The following HRH1 variants were observed in gnomAD, a reference collection of about 807,000 sequenced individuals.
HRH1 encodes the protein histamine H1 receptor.
A neutral mutation model predicts 10.3 loss-of-function variants in HRH1; 6 were observed. The observed-to-expected ratio is 0.58, with a 90% confidence interval of 0.32 to 1.15. The LOEUF (loss-of-function observed/expected upper bound fraction) is 1.15. Among genes scored for constraint, HRH1 ranks in the 50% most tolerant of loss-of-function variants. The probability of loss-of-function intolerance (pLI) is 0.05; values close to 1 mark genes in which losing one functional copy is unlikely to be tolerated. For synonymous variants in HRH1, 242 were observed against 236.7 expected (o/e 1.02, Z -0.21); for missense variants, 514 against 615.3 (o/e 0.84, Z 1.74).
chr3:11,220,816 T>G (rs1171107242), intron 1 of HRH1, among the ~76,000 whole-genome samples: 1 of 152,198 alleles, frequency 6.6e-6, no homozygotes, highest in Non-Finnish European at 1.5e-5. Flanking sequence ...AAAATAATAA[T>G]GTACACATTA....
chr3:11,191,346 C>G (rs1020478322), intron 1 of HRH1, among the ~76,000 whole-genome samples: 4 of 152,124 alleles, frequency 2.6e-5, no homozygotes, highest in African/African-American at 9.7e-5. Flanking sequence ...AGTTTCTCAA[C>G]ACACCTGAAA....
intron 1 of HRH1, among the ~76,000 whole-genome samples, chr3:11,172,802 C>T (rs752580863): frequency 1.3e-5 from 2 of 151,576 alleles, no homozygotes; most frequent in East Asian, 1.9e-4. Context: ...CCCAGGTTCA[C>T]GCCATTCTCC....
chr3:11,202,816 T>G (rs1312861676), intron 1 of HRH1, among the ~76,000 whole-genome samples: 2 of 152,242 alleles, frequency 1.3e-5, no homozygotes, highest in African/African-American at 2.4e-5. Context: ...TGTTGCACTT[T>G]CTGTGGGTTT....
intron 1 of HRH1, among the ~76,000 whole-genome samples, chr3:11,250,913 C>T (rs1410831682): frequency 3.3e-5 from 5 of 152,150 alleles, no homozygotes; most frequent in Non-Finnish European, 5.9e-5. Flanking sequence ...TAAATTCCTA[C>T]GCATCCATAA....
chr3:11,146,072 C>A (rs990449925), intron 1 of HRH1, among the ~76,000 whole-genome samples: 1 of 152,118 alleles, frequency 6.6e-6, no homozygotes, highest in Non-Finnish European at 1.5e-5. Context: ...GGAGACGTGA[C>A]TCAGAGTGGA....
intron 1 of HRH1, among the ~76,000 whole-genome samples, chr3:11,166,850 GACCC>G (rs1272459936): frequency 4.7e-5 from 7 of 149,918 alleles, no homozygotes; most frequent in Non-Finnish European, 8.9e-5. Flanking sequence ...GGCTCCTCCA[GACCC>G]ACGACATTTG....
At chr3:11,247,581 G>A (rs572345766) in intron 1 of HRH1, among the ~76,000 whole-genome samples, 3 of 33,736 alleles carry the variant, frequency 8.9e-5, no homozygotes, top group South Asian at 8.6e-4. Flanking sequence ...TTGTCTGGAC[G>A]TGGCAAAGGC....
intron 1 of HRH1, among the ~76,000 whole-genome samples, chr3:11,143,403 G>A: frequency 6.6e-6 from 1 of 152,316 alleles, no homozygotes; most frequent in South Asian, 2.1e-4. Context: ...TTACCACGCT[G>A]TATTACTGGG....
rs768230237 is a variant in HRH1 at position 11,260,060 on chromosome 3, T to C, written c.1023T>C (p.His341=). The change falls in exon 2 of 2, where the codon CAT becomes CAC. Residue 341 remains histidine (H), a synonymous_variant. Coordinates refer to ENST00000431010, the MANE Select transcript of HRH1 (RefSeq NM_001098212.2). ...CAGATGAGCAGGGCCTGAACACACATGGGGCCAGCGAGATATCAGAGGATC... is the reference window on the plus strand; with the variant it reads ...CAGATGAGCAGGGCCTGAACACACACGGGGCCAGCGAGATATCAGAGGATC... ...LKTDEQGLNT[H]GASEISEDQM... 6.2e-7 allele frequency: 1 copy of C among 1,613,918 alleles called. No homozygotes were observed. The highest frequency in any genetic ancestry group is 1.1e-5 in the South Asian group (1 of 91,036).
chr3:11,248,056 G>A (rs1939537107), intron 1 of HRH1, among the ~76,000 whole-genome samples: 1 of 152,122 alleles, frequency 6.6e-6, no homozygotes, highest in African/African-American at 2.4e-5. Flanking sequence ...AGGAGGTAAG[G>A]CCTTGTAAGG....
intron 1 of HRH1, among the ~76,000 whole-genome samples, chr3:11,249,848 C>T (rs188111695): frequency 6.6e-6 from 1 of 152,076 alleles, no homozygotes; most frequent in Admixed American, 6.6e-5. Flanking sequence ...CTGAGGAGAG[C>T]CAGGAAGGAC....
intron 1 of HRH1, among the ~76,000 whole-genome samples, chr3:11,174,386 G>C (rs769234693): frequency 5.9e-5 from 9 of 152,168 alleles, no homozygotes; most frequent in African/African-American, 1.4e-4. Flanking sequence ...TCTCAGCGCT[G>C]ACTCCCAGAG....
chr3:11,166,162 C>G (rs1018238707), intron 1 of HRH1, among the ~76,000 whole-genome samples: 12 of 152,146 alleles, frequency 7.9e-5, no homozygotes, highest in African/African-American at 2.9e-4. Flanking sequence ...CACACAAACC[C>G]CATGGCCCCA....
At chr3:11,165,229 C>A (rs1393867862) in intron 1 of HRH1, among the ~76,000 whole-genome samples, 1 of 152,218 alleles carries the variant, frequency 6.6e-6, no homozygotes, top group Non-Finnish European at 1.5e-5. Context: ...ATGCTTGCTG[C>A]CTGAAACATT....
chr3:11,242,022 G>A (rs956207521), intron 1 of HRH1, among the ~76,000 whole-genome samples: 8 of 152,108 alleles, frequency 5.3e-5, no homozygotes, highest in African/African-American at 1.9e-4. Context: ...ACTCTGATAG[G>A]ACAAAAACGG....
chr3:11,168,874 C>T (rs1266177322), intron 1 of HRH1, among the ~76,000 whole-genome samples: 7 of 152,198 alleles, frequency 4.6e-5, no homozygotes, highest in Non-Finnish European at 8.8e-5. Context: ...AGGGAAAGAC[C>T]CCTTTGCTGA....
Position 11,253,721 on chromosome 3 carries a change from C to T in HRH1, c.-35-5282C>T, listed in dbSNP as rs988008131. On this transcript the variant is annotated intron_variant, in intron 1 of 1. Coordinates refer to ENST00000431010, the MANE Select transcript of HRH1 (RefSeq NM_001098212.2). The stretch of plus-strand genomic sequence containing the variant: ...TCCTGGGCTGGGAATTATGTTCAGC[C>T]GCTGGAACGTTCTGACCGGGAGGAT... 9.2e-4 allele frequency among the ~76,000 whole-genome samples: 140 copies of T among 152,232 alleles called. 3 individuals are homozygous for T. The highest frequency in any genetic ancestry group is 6.2e-4 in the South Asian group (3 of 4,818).
At chr3:11,209,025 C>A (rs921039271) in intron 1 of HRH1, among the ~76,000 whole-genome samples, 7 of 152,120 alleles carry the variant, frequency 4.6e-5, no homozygotes, top group African/African-American at 1.7e-4. Flanking sequence ...GTATTGCCCA[C>A]GTAGATGCTA....
chr3:11,139,375 G>A (rs1331336918), intron 1 of HRH1, among the ~76,000 whole-genome samples: 1 of 151,796 alleles, frequency 6.6e-6, no homozygotes, highest in Non-Finnish European at 1.5e-5. Context: ...CGCCTCCCGG[G>A]TTCAAGCAAT....
Sources: gnomAD v4.1 joint callset for allele counts (sites outside exome capture counted in the v4.1 genomes callset) on GRCh38, gnomAD v4.1.1 for gene constraint, MANE v1.5 for transcripts, NCBI Gene and HGNC (gene_info 2026-07-23, HGNC 2026-07-21) for gene names.